PDE11A: variants seen among roughly 807,000 people sequenced by gnomAD.
PDE11A encodes the protein phosphodiesterase 11A.
PDE11A carries 100 observed loss-of-function variants against 100.5 expected under a neutral mutation model. The ratio of observed to expected loss-of-function variants is 1.00; its 90% CI spans 0.85 to 1.18. PDE11A has a LOEUF of 1.18. PDE11A is among the 50% of genes most tolerant of loss of function. The pLI, the probability that PDE11A is intolerant of heterozygous loss-of-function variation, is 0.00. For synonymous variants in PDE11A, 381 were observed against 420.8 expected (o/e 0.91, Z 1.16); for missense variants, 1,141 against 1,152.6 (o/e 0.99, Z 0.15).
intron 2 of PDE11A, among the ~76,000 whole-genome samples, chr2:177,948,477 G>C (rs890771870): frequency 1.3e-5 from 2 of 152,096 alleles, no homozygotes; most frequent in Admixed American, 6.5e-5. Flanking sequence ...AAAATGATAG[G>C]TAGAAAATAG....
Position 177,762,769 on chromosome 2 carries a change from C to T in PDE11A, c.1788+6554G>A, listed in dbSNP as rs146986263. ...AGTGATCTTCTGGGGAGAGTGTCCT[C>T]GCTTTGTTTTCAAATAGAAAGAAGT... On this transcript the variant is annotated intron_variant, in intron 10 of 19. Coordinates refer to ENST00000286063, the MANE Select transcript of PDE11A (RefSeq NM_016953.4). Among the ~76,000 whole-genome samples, 66 of 152,246 alleles carry T rather than the reference C, an allele frequency of 4.3e-4. 1 individual carries two copies. Among genetic ancestry groups the T allele is most frequent in the African/African-American group, 1.4e-3 (60 of 41,542 alleles).
chr2:178,050,802 AG>A (rs2086815715), intron 1 of PDE11A, among the ~76,000 whole-genome samples: 1 of 152,226 alleles, frequency 6.6e-6, no homozygotes, highest in African/African-American at 2.4e-5. Flanking sequence ...AGAGAAGCTT[AG>A]AGAAAAAAGA....
At chr2:177,790,834 G>A (rs1202418665) in intron 9 of PDE11A, among the ~76,000 whole-genome samples, 2 of 152,188 alleles carry the variant, frequency 1.3e-5, no homozygotes, top group Middle Eastern at 3.2e-3. Flanking sequence ...AAACCACAAT[G>A]AGATACCATC....
chr2:177,728,256 AG>A, intron 10 of PDE11A, 84 bp from the exon 11 acceptor site: 2 of 1,202,984 alleles, frequency 1.7e-6, no homozygotes, highest in African/African-American at 3.0e-5. Flanking sequence ...GCTTATCAGA[AG>A]TGCCACATAA....
At chr2:177,966,645 A>G (rs1327457437) in intron 2 of PDE11A, among the ~76,000 whole-genome samples, 1 of 151,956 alleles carries the variant, frequency 6.6e-6, no homozygotes, top group African/African-American at 2.4e-5. Context: ...TGCTTATGTG[A>G]TGAATCACAT....
At chr2:178,030,698 G>T (rs147565648) in intron 1 of PDE11A, among the ~76,000 whole-genome samples, 1 of 152,158 alleles carries the variant, frequency 6.6e-6, no homozygotes, top group Admixed American at 6.6e-5. Context: ...CAACATTGTG[G>T]AACACTGTCT....
At chr2:178,057,948 C>G (rs960034106) in intron 1 of PDE11A, among the ~76,000 whole-genome samples, 1 of 152,272 alleles carries the variant, frequency 6.6e-6, no homozygotes, top group East Asian at 1.9e-4. Flanking sequence ...ACCTCCACCC[C>G]CTGGGTTCAA....
chr2:177,931,927 AAAAG>A (rs1178313069), intron 2 of PDE11A, among the ~76,000 whole-genome samples: 1 of 151,492 alleles, frequency 6.6e-6, no homozygotes, highest in Admixed American at 6.6e-5. Context: ...AAAAAAAAAA[AAAAG>A]AAAGACCCAA....
intron 2 of PDE11A, among the ~76,000 whole-genome samples, chr2:177,979,985 C>G (rs2085861185): frequency 1.3e-5 from 2 of 150,292 alleles, no homozygotes; most frequent in East Asian, 1.9e-4. Flanking sequence ...ATAATGATCC[C>G]CAAATATCAA....
At chr2:177,938,394 T>A (rs183815181) in intron 2 of PDE11A, among the ~76,000 whole-genome samples, 1 of 152,266 alleles carries the variant, frequency 6.6e-6, no homozygotes. Flanking sequence ...TCTAAAGGTG[T>A]GTGGTGCACC....
At position 178,084,024 on chromosome 2, in the gene PDE11A, C is replaced by T. The variant is rs948558241; in HGVS notation, c.162+20278G>A. 3.9e-4 allele frequency among the ~76,000 whole-genome samples: 60 copies of T among 152,178 alleles called. No individual in the cohort carries two copies. In the Middle Eastern group the frequency reaches 0.01, roughly 26 times the overall value. On this transcript the variant is annotated intron_variant, in intron 2 of 20. Coordinates refer to the PDE11A transcript ENST00000358450. ...ATACGTTCATATATACACAAATATA[C>T]ATATTCTTGTATGTATAGAAAAAAA...
chr2:177,690,145 T>A (rs2081021516), intron 15 of PDE11A, among the ~76,000 whole-genome samples: 1 of 152,140 alleles, frequency 6.6e-6, no homozygotes, highest in African/African-American at 2.4e-5. Context: ...ATGGAATGAG[T>A]ATATGGAAAA....
intron 12 of PDE11A, among the ~76,000 whole-genome samples, chr2:177,719,817 A>C (rs755812593): frequency 1.7e-4 from 26 of 152,144 alleles, no homozygotes; most frequent in Non-Finnish European, 3.1e-4. Flanking sequence ...CAGCCAAAAA[A>C]GTGCTCTTTG....
intron 1 of PDE11A, among the ~76,000 whole-genome samples, chr2:178,060,004 T>C (rs1400372039): frequency 1.3e-5 from 2 of 152,210 alleles, no homozygotes; most frequent in Non-Finnish European, 1.5e-5. Context: ...GACATTGAAA[T>C]ATGAGCAAGA....
intron 2 of PDE11A, among the ~76,000 whole-genome samples, chr2:178,081,050 C>T (rs1023538874): frequency 6.6e-6 from 1 of 151,972 alleles, no homozygotes; most frequent in Admixed American, 6.5e-5. Flanking sequence ...GAATCTGTTG[C>T]CAAATTAACC....
At chr2:177,742,499 T>C (rs957544893) in intron 10 of PDE11A, among the ~76,000 whole-genome samples, 1 of 152,206 alleles carries the variant, frequency 6.6e-6, no homozygotes, top group African/African-American at 2.4e-5. Flanking sequence ...TCCATCGAAG[T>C]TGCTGTGCAG....
At chr2:177,850,414 C>A (rs1018731357) in intron 5 of PDE11A, among the ~76,000 whole-genome samples, 1 of 152,082 alleles carries the variant, frequency 6.6e-6, no homozygotes, top group Admixed American at 6.6e-5. Context: ...AAATGTTAGA[C>A]CTAAAACCAT....
intron 6 of PDE11A, among the ~76,000 whole-genome samples, chr2:177,839,335 G>A (rs1476953530): frequency 6.6e-6 from 1 of 152,184 alleles, no homozygotes; most frequent in African/African-American, 2.4e-5. Flanking sequence ...TACTTCTCAG[G>A]GTTGAAGTTT....
chr2:177,958,502 G>A (rs2085593259), intron 2 of PDE11A, among the ~76,000 whole-genome samples: 1 of 152,232 alleles, frequency 6.6e-6, no homozygotes, highest in Admixed American at 6.5e-5. Flanking sequence ...AAGGCTGAGA[G>A]GGGTAAGTTA....
Sources: gnomAD v4.1 joint callset for allele counts (sites outside exome capture counted in the v4.1 genomes callset) on GRCh38, gnomAD v4.1.1 for gene constraint, MANE v1.5 for transcripts, NCBI Gene and HGNC (gene_info 2026-07-23, HGNC 2026-07-21) for gene names.